Variants in CEP83 observed in about 807,000 individuals in gnomAD.
CEP83 encodes the protein centrosomal protein of 83 kDa.
In CEP83, 70 loss-of-function variants were observed where a neutral mutation model predicts 101.9. The ratio of observed to expected loss-of-function variants is 0.69; its 90% CI spans 0.57 to 0.84. The LOEUF is 0.84. Ranked by LOEUF, CEP83 falls within the 40% of genes least tolerant of loss-of-function variation. CEP83 has a pLI of 0.00. For synonymous variants in CEP83, 264 were observed against 267.9 expected (o/e 0.99, Z 0.14); for missense variants, 715 against 787.2 (o/e 0.91, Z 1.10).
chr12:94,439,271 C>A (rs543856252), intron 1 of CEP83, among the ~76,000 whole-genome samples: 16 of 152,184 alleles, frequency 1.1e-4, no homozygotes, highest in Admixed American at 3.3e-4. Flanking sequence ...ACAAAATCGA[C>A]AGACCATTAG....
At chr12:94,388,525 T>C (rs1211566566) in intron 6 of CEP83, among the ~76,000 whole-genome samples, 2 of 152,116 alleles carry the variant, frequency 1.3e-5, no homozygotes, top group Admixed American at 1.3e-4. Context: ...TACCCCAAAG[T>C]TCTGCCTCAG....
At chr12:94,351,247 T>C (rs188091834) in intron 11 of CEP83, among the ~76,000 whole-genome samples, 2 of 152,170 alleles carry the variant, frequency 1.3e-5, no homozygotes, top group East Asian at 3.9e-4. Flanking sequence ...TGTGTAAACC[T>C]AGCTACAGAA....
chr12:94,365,873 T>C (rs2061000729), intron 11 of CEP83, among the ~76,000 whole-genome samples: 1 of 150,802 alleles, frequency 6.6e-6, no homozygotes, highest in Non-Finnish European at 1.5e-5. Flanking sequence ...TATGCAGCCA[T>C]AAAAAAGAAT....
At chr12:94,315,694 A>ATT (rs554045286) in intron 14 of CEP83, among the ~76,000 whole-genome samples, 13 of 144,880 alleles carry the variant, frequency 9.0e-5, no homozygotes, top group African/African-American at 3.3e-4. Flanking sequence ...TAGAAGCTTT[A>ATT]TTTTTTTTTT....
intron 6 of CEP83, among the ~76,000 whole-genome samples, chr12:94,383,373 A>G (rs1397096106): frequency 1.3e-5 from 2 of 152,122 alleles, no homozygotes; most frequent in Admixed American, 1.3e-4. Flanking sequence ...GCAACACAGC[A>G]TATGGACCCT....
chr12:94,278,571 A>G, the CEP83 span, among the ~76,000 whole-genome samples: 1 of 152,250 alleles, frequency 6.6e-6, no homozygotes. Context: ...ATGTAAAGTA[A>G]TTAATGCAAG....
intron 6 of CEP83, among the ~76,000 whole-genome samples, chr12:94,385,657 T>G (rs1291515586): frequency 6.6e-6 from 1 of 152,210 alleles, no homozygotes; most frequent in East Asian, 1.9e-4. Context: ...CCACCTGGGC[T>G]GCCCAGTCAT....
At chr12:94,266,255 T>C in the CEP83 span, among the ~76,000 whole-genome samples, 1 of 152,208 alleles carries the variant, frequency 6.6e-6, no homozygotes, top group African/African-American at 2.4e-5. Flanking sequence ...GTAGGTCAGC[T>C]GTTTCAAGTT....
chr12:94,305,301 G>C, downstream of CEP83: 1 of 1,501,642 alleles, frequency 6.7e-7, no homozygotes, highest in Non-Finnish European at 9.2e-7. Flanking sequence ...CTGGGGCCTG[G>C]CTTAATCTGG....
At chr12:94,443,082 C>G (rs2066530109) in intron 1 of CEP83, among the ~76,000 whole-genome samples, 1 of 152,166 alleles carries the variant, frequency 6.6e-6, no homozygotes, top group African/African-American at 2.4e-5. Flanking sequence ...CTTATTCTTT[C>G]CTGACTCAAA....
intron 11 of CEP83, among the ~76,000 whole-genome samples, chr12:94,341,920 T>C (rs1358509949): frequency 6.6e-6 from 1 of 152,154 alleles, no homozygotes; most frequent in Non-Finnish European, 1.5e-5. Flanking sequence ...CTGGCCAAAC[T>C]GTGGGATTAT....
At chr12:94,272,443 C>T in the CEP83 span, 27 of 152,282 alleles carry the variant, frequency 1.8e-4, no homozygotes, top group Non-Finnish European at 3.7e-4. Context: ...AACATATCCA[C>T]TTAATGTCAT....
intron 6 of CEP83, among the ~76,000 whole-genome samples, chr12:94,394,928 T>C (rs1184157629): frequency 6.6e-6 from 1 of 152,150 alleles, no homozygotes; most frequent in Non-Finnish European, 1.5e-5. Flanking sequence ...TGAGATACCA[T>C]CTCACGCCAG....
chr12:94,405,183 A>G (rs1039751440), intron 4 of CEP83, among the ~76,000 whole-genome samples: 7 of 152,232 alleles, frequency 4.6e-5, no homozygotes, highest in Non-Finnish European at 1.0e-4. Context: ...TAAAGCTTAC[A>G]TGGCTCCTGT....
the CEP83 span, among the ~76,000 whole-genome samples, chr12:94,289,551 TCA>T: frequency 6.6e-5 from 10 of 152,160 alleles, no homozygotes; most frequent in African/African-American, 2.4e-4. Flanking sequence ...GCTCCCTGCC[TCA>T]CAGGACTAGG....
At chr12:94,419,066 A>G (rs967891398) in intron 2 of CEP83, among the ~76,000 whole-genome samples, 2 of 152,022 alleles carry the variant, frequency 1.3e-5, no homozygotes, top group African/African-American at 4.8e-5. Flanking sequence ...AAAAAAAAAA[A>G]TCTTTATATA....
chr12:94,373,401 C>T (rs569963191), intron 8 of CEP83, among the ~76,000 whole-genome samples: 10 of 152,252 alleles, frequency 6.6e-5, no homozygotes, highest in Non-Finnish European at 1.5e-4. Context: ...CAGAAAGACA[C>T]ACAAGAGCAC....
chr12:94,268,643 G>A, the CEP83 span, among the ~76,000 whole-genome samples: 2 of 140,990 alleles, frequency 1.4e-5, no homozygotes, highest in African/African-American at 5.3e-5. Context: ...AGTGCAGGCT[G>A]GAGTGCAGTG....
chr12:94,331,560 G>T (rs1016553350), intron 14 of CEP83, 140 bp downstream of exon 14: 1 of 664,778 alleles, frequency 1.5e-6, no homozygotes. Context: ...CAGTAGAGAT[G>T]GGGTTTCACT....
Sources: gnomAD v4.1 joint callset for allele counts (sites outside exome capture counted in the v4.1 genomes callset) on GRCh38, gnomAD v4.1.1 for gene constraint, MANE v1.5 for transcripts, NCBI Gene and HGNC (gene_info 2026-07-23, HGNC 2026-07-21) for gene names.